PXT1: variants seen among roughly 807,000 people sequenced by gnomAD.
PXT1 encodes peroxisomal testis enriched protein 1, also known as peroxisomal testis-specific protein 1.
Under a neutral mutation model 11.0 loss-of-function variants are expected in PXT1, and 11 were observed. That is an observed-to-expected ratio of 1.00 (90% CI 0.63 to 1.66). PXT1 has a LOEUF of 1.66. PXT1 is among the 40% of genes most tolerant of loss of function. PXT1 has a pLI of 0.00. For synonymous variants in PXT1, 43 were observed against 51.4 expected (o/e 0.84, Z 0.70); for missense variants, 141 against 155.5 (o/e 0.91, Z 0.49).
chr6:36,392,227 A>T (rs1261254244), intron 4 of PXT1, among the ~76,000 whole-genome samples: 2 of 152,188 alleles, frequency 1.3e-5, no homozygotes, highest in Non-Finnish European at 2.9e-5. Flanking sequence ...ACAGGGTCTC[A>T]CTATGTTGCC....
intron 3 of PXT1, among the ~76,000 whole-genome samples, chr6:36,416,068 C>G (rs1466231832): frequency 6.6e-6 from 1 of 151,956 alleles, no homozygotes; most frequent in African/African-American, 2.4e-5. Context: ...GGCAGGGTGG[C>G]TCACGTCTGC....
intron 3 of PXT1, among the ~76,000 whole-genome samples, chr6:36,412,569 A>C (rs1774389951): frequency 6.6e-6 from 1 of 151,924 alleles, no homozygotes; most frequent in Non-Finnish European, 1.5e-5. Context: ...CTGAGGCCAG[A>C]GAATCACTTG....
intron 3 of PXT1, among the ~76,000 whole-genome samples, chr6:36,417,111 C>T (rs1300191510): frequency 1.3e-5 from 2 of 151,936 alleles, no homozygotes. Flanking sequence ...TTTGGGAGGC[C>T]GAGGCGGGCA....
intron 4 of PXT1, among the ~76,000 whole-genome samples, chr6:36,395,495 T>TTC (rs1774130662): frequency 1.6e-5 from 1 of 64,338 alleles, no homozygotes; most frequent in Non-Finnish European, 2.8e-5. Context: ...AACTTAGGAT[T>TTC]TTTTTTTTTT....
At chr6:36,403,003 C>T (rs1774236735) in intron 3 of PXT1, among the ~76,000 whole-genome samples, 1 of 148,866 alleles carries the variant, frequency 6.7e-6, no homozygotes. Flanking sequence ...ATGGTGCTAT[C>T]TCAGCACCAC....
At chr6:36,404,533 A>G (rs1319051086) in intron 3 of PXT1, among the ~76,000 whole-genome samples, 1 of 151,988 alleles carries the variant, frequency 6.6e-6, no homozygotes, top group African/African-American at 2.4e-5. Flanking sequence ...TGTTGCCCAC[A>G]CTGGTCTCAA....
intron 3 of PXT1, among the ~76,000 whole-genome samples, chr6:36,410,398 C>A (rs538290104): frequency 6.8e-6 from 1 of 147,862 alleles, no homozygotes; most frequent in Non-Finnish European, 1.5e-5. Context: ...TGCAGTGAGC[C>A]GAGATAGCGC....
intron 4 of PXT1, among the ~76,000 whole-genome samples, chr6:36,395,801 A>G (rs1377395140): frequency 6.6e-6 from 1 of 151,960 alleles, no homozygotes; most frequent in African/African-American, 2.4e-5. Context: ...GGAGTTTGAG[A>G]CCAGGCTGGG....
Position 36,392,168 on chromosome 6 carries a change from C to T in PXT1, c.301-294G>A, listed in dbSNP as rs1024449346. ...TCGGCCTCCCCAGTAGCTAGGACCACAGATGCATGCCACCATGTCTGGCTA... is the reference window on the plus strand; with the variant it reads ...TCGGCCTCCCCAGTAGCTAGGACCATAGATGCATGCCACCATGTCTGGCTA... On this transcript the variant is annotated intron_variant, in intron 4 of 4. Transcript: ENST00000454782. Among the ~76,000 whole-genome samples the T allele has an allele frequency of 3.9e-5, 6 of 152,160 alleles. No homozygotes were observed. In the South Asian group the frequency reaches 8.3e-4, roughly 21 times the overall value.
At position 36,416,805 on chromosome 6, in the gene PXT1, G is replaced by A. The variant is rs529265348; in HGVS notation, c.169+9109C>T. Among the ~76,000 whole-genome samples the A allele has an allele frequency of 1.2e-3, 189 of 152,264 alleles. 1 individual carries two copies. Among genetic ancestry groups the A allele is most frequent in the African/African-American group, 4.2e-3 (175 of 41,550 alleles). On this transcript the variant is annotated intron_variant, in intron 3 of 4. Transcript: ENST00000454782. Reference sequence around the variant, plus strand: ...TTTGTAACTTTTAGAAACAACTTACGGATAGCATGGAAGAGCTGACTGTGG... The same window carrying A: ...TTTGTAACTTTTAGAAACAACTTACAGATAGCATGGAAGAGCTGACTGTGG...
At chr6:36,409,692 T>C (rs1421356032) in intron 3 of PXT1, among the ~76,000 whole-genome samples, 1 of 150,464 alleles carries the variant, frequency 6.6e-6, no homozygotes, top group Non-Finnish European at 1.5e-5. Context: ...CCAGGTGTGG[T>C]GGTGTGTGCC....
chr6:36,437,700 T>A (rs566938013), intron 2 of PXT1, among the ~76,000 whole-genome samples: 34 of 151,786 alleles, frequency 2.2e-4, no homozygotes, highest in South Asian at 8.3e-4. Flanking sequence ...ATATTTTTAG[T>A]AGAGACGGGG....
chr6:36,400,349 A>C, intron 4 of PXT1, 105 bp downstream of exon 4: 1 of 1,351,186 alleles, frequency 7.4e-7, no homozygotes, highest in Non-Finnish European at 1.0e-6. Context: ...GCATTATTCC[A>C]TTAATTCTGA....
intron 3 of PXT1, among the ~76,000 whole-genome samples, chr6:36,420,688 C>T (rs936490435): frequency 1.3e-5 from 2 of 152,088 alleles, no homozygotes; most frequent in Non-Finnish European, 2.9e-5. Flanking sequence ...GCACTTACAA[C>T]GTGCTATAAA....
chr6:36,401,972 A>G (rs528676785), intron 3 of PXT1, among the ~76,000 whole-genome samples: 29 of 148,534 alleles, frequency 2.0e-4, no homozygotes, highest in African/African-American at 6.7e-4. Context: ...ATATATATAT[A>G]TGTATATATA....
chr6:36,430,957 G>C (rs1341958082), intron 2 of PXT1, among the ~76,000 whole-genome samples: 2 of 151,992 alleles, frequency 1.3e-5, no homozygotes. Context: ...TGGGATTACA[G>C]GAGCTCACCA....
chr6:36,415,624 T>C (rs1304378430), intron 3 of PXT1, among the ~76,000 whole-genome samples: 5 of 152,162 alleles, frequency 3.3e-5, no homozygotes, highest in Non-Finnish European at 1.5e-5. Context: ...ACTGCTCTTC[T>C]AAGAAGTGTC....
At chr6:36,406,491 A>G (rs1474694270) in intron 3 of PXT1, among the ~76,000 whole-genome samples, 1 of 152,144 alleles carries the variant, frequency 6.6e-6, no homozygotes, top group Non-Finnish European at 1.5e-5. Context: ...CTAATAAAGG[A>G]AAACTGAACA....
In PXT1 at chr6:36,400,602, A is replaced by T; in HGVS notation, c.170-18T>A. 6.2e-7 allele frequency: 1 copy of T among 1,606,124 alleles called. No homozygotes were observed. The highest frequency in any genetic ancestry group is 8.5e-7 in the Non-Finnish European group (1 of 1,177,148). ...ATTATGATCTGCATTGAGAAAAAAG[A>T]GTTCAAAAGAGATAATCCCACTTAA... On this transcript the variant is annotated intron_variant, in intron 3 of 4. Coordinates refer to ENST00000454782, the MANE Select transcript of PXT1 (RefSeq NM_152990.4).
Sources: allele counts gnomAD v4.1 joint callset (sites outside exome capture counted in the v4.1 genomes callset), GRCh38; gene constraint gnomAD v4.1.1; transcripts MANE v1.5; gene names NCBI Gene and HGNC (gene_info 2026-07-23, HGNC 2026-07-21).